The following RPA3 variants were observed in gnomAD, a reference collection of about 807,000 sequenced individuals.
RPA3 encodes the protein replication protein A 14 kDa subunit.
RPA3 carries 24 observed loss-of-function variants against 13.7 expected under a neutral mutation model. That is an observed-to-expected ratio of 1.75 (90% CI 1.27 to 2.46). The LOEUF is 2.46. Ranked by LOEUF, RPA3 falls within the 30% of genes most tolerant of loss-of-function variation. RPA3 has a pLI of 0.00. For synonymous variants in RPA3, 59 were observed against 51.2 expected (o/e 1.15, Z -0.65); for missense variants, 183 against 151.0 (o/e 1.21, Z -1.11).
chr7:7,654,717 A>G lies in RPA3; in HGVS notation c.-757-13542T>C, dbSNP rs1785301393. ...TAGGAGTTCGAGACCAGCCTGGCCA[A>G]TATGGTGAAACCCCATCTCTACTAA... On this transcript the variant is annotated intron_variant, in intron 4 of 7. Transcript: ENST00000223129. 2.6e-5 allele frequency among the ~76,000 whole-genome samples: 4 copies of G among 152,144 alleles called. No individual in the cohort carries two copies. The South Asian group carries it at 6.2e-4, about 24-fold the overall frequency.
intron 4 of RPA3, among the ~76,000 whole-genome samples, chr7:7,649,026 C>T (rs1007177270): frequency 2.0e-5 from 3 of 151,650 alleles, no homozygotes; most frequent in Non-Finnish European, 2.9e-5. Context: ...GGCATGGTGG[C>T]GGATGCCTGT....
chr7:7,645,730 C>G (rs1182294947), intron 4 of RPA3, among the ~76,000 whole-genome samples: 1 of 151,922 alleles, frequency 6.6e-6, no homozygotes. Flanking sequence ...AGTGTTTGAA[C>G]CAAGCTCACA....
At chr7:7,641,394 G>T (rs1053813138) in intron 4 of RPA3, 1 of 152,282 alleles carries the variant, frequency 6.6e-6, no homozygotes, top group African/African-American at 2.4e-5. Flanking sequence ...CCGAGCTAGG[G>T]TTCTCCCTTC....
intron 3 of RPA3, among the ~76,000 whole-genome samples, chr7:7,686,586 A>G (rs530963591): frequency 6.8e-4 from 103 of 152,334 alleles, no homozygotes; most frequent in African/African-American, 2.4e-3. Flanking sequence ...TTGACAGAGT[A>G]AGTCAGAGAA....
At chr7:7,704,599 A>G (rs1340858374) in intron 2 of RPA3, among the ~76,000 whole-genome samples, 18 of 49,136 alleles carry the variant, frequency 3.7e-4, no homozygotes, top group African/African-American at 1.9e-3. Flanking sequence ...ACTAAAATAG[A>G]AAAAAAAAAA....
rs549476711 is a variant in RPA3, at chr7:7,708,602, C to A, written c.-1028+6573G>T. On this transcript the variant is annotated intron_variant, in intron 2 of 7. Transcript: ENST00000223129. Reference sequence around the variant, plus strand: ...TTTAAAAATAAGTCAACATATTTGTCCTTTTGGGACAGACCTCAAAAATAG... The same window carrying A: ...TTTAAAAATAAGTCAACATATTTGTACTTTTGGGACAGACCTCAAAAATAG... Among the ~76,000 whole-genome samples, 10 of 152,272 alleles carry A rather than the reference C, an allele frequency of 6.6e-5. 1 individual carries two copies. The highest frequency in any genetic ancestry group is 2.4e-4 in the African/African-American group (10 of 41,572).
chr7:7,708,377 A>G (rs754446203), intron 2 of RPA3, among the ~76,000 whole-genome samples: 1 of 152,202 alleles, frequency 6.6e-6, no homozygotes, highest in Non-Finnish European at 1.5e-5. Context: ...AGTTTTGTAG[A>G]GAGATATATA....
intron 4 of RPA3, among the ~76,000 whole-genome samples, chr7:7,663,221 A>G (rs1483868745): frequency 7.4e-6 from 1 of 134,746 alleles, no homozygotes; most frequent in African/African-American, 2.7e-5. Context: ...TAAATTGTTT[A>G]CTTCCACTCA....
chr7:7,637,198 A>T, intron 7 of RPA3, 116 bp from the exon 8 acceptor site: 1 of 747,124 alleles, frequency 1.3e-6, no homozygotes, highest in South Asian at 1.6e-5. Context: ...GTGAGTTTCT[A>T]AAAATGGAGA....
At position 7,637,019 on chromosome 7, in the gene RPA3, C is replaced by T. The variant is rs761873197; in HGVS notation, c.347G>A (p.Gly116Glu). 1.9e-6 allele frequency: 3 copies of T among 1,611,096 alleles called. No homozygotes were observed. Among genetic ancestry groups the T allele is most frequent in the Non-Finnish European group, 2.5e-6 (3 of 1,178,058 alleles). ...IHDFPQFYPL[G>E]IVQHD Reference sequence around the variant, plus strand: ...TCAAGATCAATCATGTTGCACAATCCCTAAAGGATAAAACTGAGGGAAGTC... The same window carrying T: ...TCAAGATCAATCATGTTGCACAATCTCTAAAGGATAAAACTGAGGGAAGTC... The change falls in exon 8 of 8, where the codon GGG (glycine) becomes GAG (glutamate). Residue 116 changes from glycine to glutamate, a missense_variant. Coordinates refer to ENST00000223129, the MANE Select transcript of RPA3 (RefSeq NM_002947.5).
chr7:7,701,182 G>C lies in RPA3; in HGVS notation c.-1027-13854C>G, dbSNP rs567030138. 2.6e-5 allele frequency among the ~76,000 whole-genome samples: 4 copies of C among 152,250 alleles called. No homozygotes were observed. In the South Asian group the frequency reaches 8.3e-4, roughly 32 times the overall value. The stretch of plus-strand genomic sequence containing the variant: ...TCTTGTAGAGGAAGATGTGTGAGGA[G>C]GAATGGAATCTATCATACCTATTTA... On this transcript the variant is annotated intron_variant, in intron 2 of 7. Transcript: ENST00000223129.
intron 2 of RPA3, among the ~76,000 whole-genome samples, chr7:7,704,729 T>C (rs1345733500): frequency 7.6e-6 from 1 of 131,536 alleles, no homozygotes; most frequent in Non-Finnish European, 1.5e-5. Flanking sequence ...ATCGCACCAC[T>C]GTACTCCAGC....
intron 1 of RPA3, among the ~76,000 whole-genome samples, chr7:7,716,886 CT>C (rs1780921674): frequency 6.6e-6 from 1 of 152,094 alleles, no homozygotes. Context: ...GCGGAGCATG[CT>C]ATGTAAATGG....
chr7:7,651,006 A>C (rs1283371173), intron 4 of RPA3, among the ~76,000 whole-genome samples: 1 of 152,226 alleles, frequency 6.6e-6, no homozygotes. Context: ...TTTGTGGTAC[A>C]AAAAGCCAGG....
At chr7:7,675,502 A>G (rs1779716703) in intron 4 of RPA3, among the ~76,000 whole-genome samples, 1 of 152,158 alleles carries the variant, frequency 6.6e-6, no homozygotes, top group Non-Finnish European at 1.5e-5. Context: ...TCCGAGTATT[A>G]TCTACTATGG....
intron 4 of RPA3, among the ~76,000 whole-genome samples, chr7:7,658,130 G>A (rs1475588161): frequency 1.3e-5 from 2 of 152,236 alleles, no homozygotes; most frequent in Middle Eastern, 3.4e-3. Flanking sequence ...TTGGTGTATA[G>A]GAATGCTTGT....
chr7:7,668,243 A>G (rs2115101184), intron 4 of RPA3, among the ~76,000 whole-genome samples: 1 of 152,254 alleles, frequency 6.6e-6, no homozygotes, highest in East Asian at 1.9e-4. Context: ...ACACAATGTG[A>G]ATAATTGTGT....
At chr7:7,643,930 C>A (rs1185619495) in intron 4 of RPA3, among the ~76,000 whole-genome samples, 1 of 152,052 alleles carries the variant, frequency 6.6e-6, no homozygotes, top group Non-Finnish European at 1.5e-5. Context: ...ATTTTTTCGT[C>A]TGAGGAGGCA....
chr7:7,684,612 G>A (rs1271438742), intron 4 of RPA3, among the ~76,000 whole-genome samples: 6 of 152,102 alleles, frequency 3.9e-5, no homozygotes, highest in Non-Finnish European at 8.8e-5. Flanking sequence ...TGAAACCTTA[G>A]ATGTTTTTTG....
Sources: allele counts gnomAD v4.1 joint callset (sites outside exome capture counted in the v4.1 genomes callset), GRCh38; gene constraint gnomAD v4.1.1; transcripts MANE v1.5; gene names NCBI Gene and HGNC (gene_info 2026-07-23, HGNC 2026-07-21).